The following GUSB variants were observed in gnomAD, a reference collection of about 807,000 sequenced individuals.
GUSB encodes glucuronidase beta.
GUSB carries 51 observed loss-of-function variants against 74.6 expected under a neutral mutation model. The ratio of observed to expected loss-of-function variants is 0.68; its 90% CI spans 0.55 to 0.86. The LOEUF is 0.86. Among genes scored for constraint, GUSB ranks in the 40% least tolerant of loss-of-function variants. The pLI, the probability that GUSB is intolerant of heterozygous loss-of-function variation, is 0.00. For missense variants in GUSB, 736 were observed against 853.7 expected, an observed-to-expected ratio of 0.86 and a Z score of 1.72; for synonymous variants, 360 against 348.3, an observed-to-expected ratio of 1.03 and a Z score of -0.37.
Position 65,982,191 on chromosome 7 carries a change from G to T in GUSB, c.-8C>A, listed in dbSNP as rs909934849. On this transcript the variant is annotated 5_prime_UTR_variant, in exon 1 of 12. Transcript: ENST00000304895. ...CGCCGACCCCCGGGCCATGCTTCCC[G>T]GTCCCCCGCTCGGCCACCGTCTGCG... 3 of 1,503,680 alleles carry T rather than the reference G, an allele frequency of 2.0e-6. No individual in the cohort carries two copies. 93.1% of individuals were successfully genotyped at this position (1,503,680 alleles called of 1,614,324 possible).
rs767394322 is a variant in GUSB, at chr7:65,979,459, T to C, written c.664A>G (p.Thr222Ala). Residue 222 changes from threonine (T) to alanine (A), a missense_variant, in exon 4 of 12, where the codon ACG becomes GCG. By Grantham distance (58) the Thr-to-Ala change is moderately conservative. This residue lies in a region of GUSB where 368 missense variants were observed against 363.8 expected (regional missense o/e 1.01). Coordinates refer to ENST00000304895, the MANE Select transcript of GUSB (RefSeq NM_000181.4). Reference protein sequence around the residue: ...AGLQRSVLLYTTPTTYIDDIT... With the variant: ...AGLQRSVLLYATPTTYIDDIT... ...TCATCGATGTAGGTGGTGGGTGTCG[T>C]GTACAGAAGTACAGACCGCTGCAGT... 1.9e-6 allele frequency: 3 copies of C among 1,613,866 alleles called. No individual in the cohort carries two copies. Among genetic ancestry groups the C allele is most frequent in the South Asian group, 1.1e-5 (1 of 91,080 alleles).
At chr7:65,973,391 A>G (rs1322381101) in intron 8 of GUSB, among the ~76,000 whole-genome samples, 5 of 152,198 alleles carry the variant, frequency 3.3e-5, no homozygotes, top group African/African-American at 1.2e-4. Flanking sequence ...GATCGAGACC[A>G]TCCTAGCCAA....
At chr7:65,963,338 T>G (rs1253760290) in intron 11 of GUSB, among the ~76,000 whole-genome samples, 1 of 152,148 alleles carries the variant, frequency 6.6e-6, no homozygotes, top group Non-Finnish European at 1.5e-5. Context: ...CCATTCTCAC[T>G]CTTACGCTTT....
At chr7:65,976,276 C>T (rs1192771515) in intron 4 of GUSB, 74 bp from the exon 5 acceptor site, 1 of 987,032 alleles carries the variant, frequency 1.0e-6, no homozygotes, top group African/African-American at 1.6e-5. Flanking sequence ...CGCCCTGCAG[C>T]CACCGCTGCC....
At chr7:65,978,027 G>C (rs34983797) in intron 4 of GUSB, among the ~76,000 whole-genome samples, 21,049 of 150,732 alleles carry the variant, frequency 0.14, 1,648 homozygotes, top group Middle Eastern at 0.25. Context: ...AGTCAGGATG[G>C]TCGCGATCTC....
rs374713676 is a variant in GUSB, at chr7:65,981,205, C to CT, written c.210+768dup. ...CTGGGTAAATAGTGACACCCTGTAT[C>CT]TTTTTTTTTTTTTTAAGTTTTTTTG... On this transcript the variant is annotated intron_variant, in intron 1 of 11. Transcript: ENST00000304895. Among the ~76,000 whole-genome samples the CT allele has an allele frequency of 5.7e-3, 747 of 132,092 alleles. 8 individuals are homozygous for CT. Among genetic ancestry groups the CT allele is most frequent in the African/African-American group, 0.016 (563 of 35,930 alleles). 86.7% of individuals were successfully genotyped at this position (132,092 alleles called of 152,430 possible).
At chr7:65,978,461 A>G (rs1196475844) in intron 4 of GUSB, among the ~76,000 whole-genome samples, 1 of 151,166 alleles carries the variant, frequency 6.6e-6, no homozygotes, top group Non-Finnish European at 1.5e-5. Context: ...AACAAAAAAC[A>G]AAAACAAAAA....
intron 4 of GUSB, 85 bp downstream of exon 4, chr7:65,979,314 C>A (rs1390647610): frequency 2.2e-6 from 3 of 1,345,090 alleles, no homozygotes; most frequent in Non-Finnish European, 3.2e-6. Flanking sequence ...GCTGGGAGCA[C>A]CTTTTTCCTG....
chr7:65,975,871 A>G (rs1004858937), intron 5 of GUSB, 144 bp downstream of exon 5: 5 of 639,660 alleles, frequency 7.8e-6, no homozygotes, highest in African/African-American at 7.4e-5. Context: ...AAAAAAGAAA[A>G]TGGGCCTCCC....
intron 10 of GUSB, among the ~76,000 whole-genome samples, chr7:65,965,913 G>A (rs1330283910): frequency 2.0e-5 from 3 of 152,034 alleles, no homozygotes; most frequent in Non-Finnish European, 2.9e-5. Context: ...GCTCATGCCT[G>A]TAATCCCAGC....
In GUSB at chr7:65,979,874, C is replaced by A; in HGVS notation, c.434G>T (p.Gly145Val). The change falls in exon 3 of 12, where the codon GGC becomes GTC. Residue 145 changes from glycine (G) to valine (V), a missense_variant. Coordinates refer to ENST00000304895, the MANE Select transcript of GUSB (RefSeq NM_000181.4). ...NGVDTLEHEG[G>V]YLPFEADISN... ...GATGTCGGCCTCGAAGGGGAGGTAG[C>A]CCCCCTCATGCTCTAGCGTGTCGAC... 6.2e-7 allele frequency: 1 copy of A among 1,611,648 alleles called. No homozygotes were observed. The highest frequency in any genetic ancestry group is 1.3e-5 in the African/African-American group (1 of 74,986).
At chr7:65,980,185 G>GGGGGGGGGCCCCCCCCCC in intron 2 of GUSB, 39 bp downstream of exon 2, 1 of 725,274 alleles carries the variant, frequency 1.4e-6, no homozygotes, top group Non-Finnish European at 2.4e-6. Context: ...CAGCAGCCGT[G>GGGGGGGGGCCCCCCCCCC]CCCCCCCACC....
intron 2 of GUSB, 84 bp downstream of exon 2, chr7:65,980,140 A>C (rs1399737713): frequency 5.3e-6 from 7 of 1,326,164 alleles, no homozygotes; most frequent in Non-Finnish European, 7.4e-6. Context: ...CCCAGCATAC[A>C]TGCCGTGGGT....
rs2115795271 is a variant in GUSB, at chr7:65,960,774, C to T, written c.*123G>A. ...TAGTGTTCCCTGCTAGAATAGATGA[C>T]CACAAAACCCAGGCCAGAAACGTTC... On this transcript the variant is annotated 3_prime_UTR_variant, in exon 12 of 12. Transcript: ENST00000304895. 4 of 815,582 alleles carry T rather than the reference C, an allele frequency of 4.9e-6. No individual in the cohort carries two copies. Among genetic ancestry groups the T allele is most frequent in the Admixed American group, 1.8e-5 (1 of 57,132 alleles). 50.5% of individuals were successfully genotyped at this position (815,582 alleles called of 1,614,324 possible). A position where few individuals can be genotyped will look rare whatever the true frequency, so the allele number is the denominator to read the frequency against.
intron 8 of GUSB, among the ~76,000 whole-genome samples, chr7:65,971,899 C>T (rs866765195): frequency 2.0e-5 from 3 of 151,736 alleles, no homozygotes; most frequent in Non-Finnish European, 2.9e-5. Context: ...ATTAGCTGGG[C>T]GTGGTGGCGC....
chr7:65,981,744 G>A (rs1792039173), intron 1 of GUSB: 4 of 514,612 alleles, frequency 7.8e-6, no homozygotes, highest in Admixed American at 3.4e-5. Context: ...CTTTACCTCG[G>A]GAAAGGGCTC....
At position 65,967,713 on chromosome 7, in the gene GUSB, A is replaced by C. The variant is rs778095106; in HGVS notation, c.1653+18T>G. The C allele has an allele frequency of 3.7e-6, 6 of 1,607,472 alleles. No homozygotes were observed. In the South Asian group the frequency reaches 4.4e-5, roughly 12 times the overall value. The stretch of plus-strand genomic sequence containing the variant: ...TGCCCTGAGAGAACACACAAGCAGA[A>C]AGCTCAACACTGCTTACCTGGTGAA... On this transcript the variant is annotated intron_variant, in intron 10 of 11. Transcript: ENST00000304895.
intron 4 of GUSB, 28 bp downstream of exon 4, chr7:65,979,371 C>A (rs371707859): frequency 7.0e-7 from 1 of 1,426,486 alleles, no homozygotes; most frequent in Non-Finnish European, 9.6e-7. Context: ...CTGGGCCCCG[C>A]TGAGAGGATC....
At chr7:65,980,731 G>C in intron 1 of GUSB, 3 of 418,794 alleles carry the variant, frequency 7.2e-6, no homozygotes, top group South Asian at 6.4e-5. Context: ...CCTGTCACAG[G>C]GAGGAAGGCT....
Sources: gnomAD v4.1 joint callset for allele counts (sites outside exome capture counted in the v4.1 genomes callset) on GRCh38, gnomAD v4.1.1 for gene constraint, gnomAD v4.1.1 regional missense constraint, MANE v1.5 for transcripts, NCBI Gene and HGNC (gene_info 2026-07-23, HGNC 2026-07-21) for gene names.